The following NBEA variants were observed in gnomAD, a reference collection of about 807,000 sequenced individuals.
NBEA encodes neurobeachin, also known as lysosomal-trafficking regulator 2.
Under a neutral mutation model 343.4 loss-of-function variants are expected in NBEA, and 44 were observed. That is an observed-to-expected ratio of 0.13 (90% CI 0.10 to 0.16). The LOEUF (loss-of-function observed/expected upper bound fraction) is 0.16. NBEA is among the 10% of genes least tolerant of loss of function. NBEA has a pLI of 1.00. For synonymous variants in NBEA, 1,175 were observed against 1,238.7 expected, an observed-to-expected ratio of 0.95 and a Z score of 1.08; for missense variants, 2,555 against 3,631.3, an observed-to-expected ratio of 0.70 and a Z score of 7.62.
At chr13:35,079,344 G>T (rs890904454) in intron 10 of NBEA, among the ~76,000 whole-genome samples, 1 of 152,066 alleles carries the variant, frequency 6.6e-6, no homozygotes, top group Non-Finnish European at 1.5e-5. Context: ...AAATGTAATG[G>T]TTACAAAAAT....
chr13:35,075,052 A>G (rs2064054001), intron 10 of NBEA, among the ~76,000 whole-genome samples: 1 of 151,868 alleles, frequency 6.6e-6, no homozygotes, highest in Non-Finnish European at 1.5e-5. Flanking sequence ...TTTTAGTGTA[A>G]TTATTTGCTG....
chr13:35,224,080 C>G (rs2074523189), intron 33 of NBEA, among the ~76,000 whole-genome samples: 1 of 152,160 alleles, frequency 6.6e-6, no homozygotes. Flanking sequence ...TCCAGTTTTT[C>G]TCAAACTTGG....
chr13:35,097,582 T>C (rs2065404269), intron 10 of NBEA, among the ~76,000 whole-genome samples: 1 of 152,068 alleles, frequency 6.6e-6, no homozygotes, highest in Non-Finnish European at 1.5e-5. Context: ...TTATCAAAGC[T>C]TAATTCAATG....
At chr13:35,378,773 T>G (rs937287213) in intron 38 of NBEA, among the ~76,000 whole-genome samples, 3 of 151,856 alleles carry the variant, frequency 2.0e-5, no homozygotes, top group Admixed American at 6.6e-5. Flanking sequence ...CACAGACAAT[T>G]ACCAACACCC....
At chr13:35,222,559 A>AT (rs1360996290) in intron 33 of NBEA, among the ~76,000 whole-genome samples, 2 of 151,818 alleles carry the variant, frequency 1.3e-5, no homozygotes, top group Non-Finnish European at 2.9e-5. Context: ...TTAATGGAGT[A>AT]TTTTTTTTAT....
intron 55 of NBEA, among the ~76,000 whole-genome samples, chr13:35,657,824 A>G (rs1301218680): frequency 6.6e-6 from 1 of 152,176 alleles, no homozygotes; most frequent in Non-Finnish European, 1.5e-5. Context: ...TGAAGCCCAG[A>G]AATGATGCAA....
chr13:35,640,584 A>T (rs1294932687), intron 49 of NBEA, among the ~76,000 whole-genome samples: 1 of 152,206 alleles, frequency 6.6e-6, no homozygotes, highest in African/African-American at 2.4e-5. Flanking sequence ...AGATGTCATA[A>T]TTTCGTAACT....
intron 41 of NBEA, among the ~76,000 whole-genome samples, chr13:35,495,364 G>A (rs2076640321): frequency 1.3e-5 from 2 of 151,878 alleles, no homozygotes; most frequent in Non-Finnish European, 1.5e-5. Flanking sequence ...AAAGCCCAAT[G>A]TCCATAAAGC....
At position 35,668,502 on chromosome 13, in the gene NBEA, C is replaced by T; in HGVS notation, c.8796C>T (p.Asp2932=). Residue 2932 remains aspartate, a synonymous_variant, in exon 58 of 59, where the codon GAC becomes GAT. Transcript: ENST00000379939. The stretch of plus-strand genomic sequence containing the variant: ...GTGATGCTGGCATTAGAGCAATGGA[C>T]TTGTCCCATGACCAGAGGTGAGCTG... ...PGCDAGIRAM[D]LSHDQRTLIT... 6.2e-7 allele frequency: 1 copy of T among 1,606,798 alleles called. No homozygotes were observed. The highest frequency in any genetic ancestry group is 1.1e-5 in the South Asian group (1 of 89,450).
At chr13:34,969,307 T>G (rs1370294008) in intron 1 of NBEA, among the ~76,000 whole-genome samples, 2 of 152,076 alleles carry the variant, frequency 1.3e-5, no homozygotes, top group South Asian at 2.1e-4. Flanking sequence ...TTTAAAATTT[T>G]TTGGTTTTTA....
chr13:35,497,229 G>A (rs1032368590), intron 41 of NBEA, among the ~76,000 whole-genome samples: 7 of 152,032 alleles, frequency 4.6e-5, no homozygotes, highest in African/African-American at 1.7e-4. Context: ...AATTGAGGAA[G>A]TGCTTATACT....
chr13:35,109,256 T>C, intron 11 of NBEA, 34 bp from the exon 12 acceptor site: 1 of 1,523,676 alleles, frequency 6.6e-7, no homozygotes, highest in Non-Finnish European at 8.8e-7. Flanking sequence ...ATATTCTGGA[T>C]GTTTCAAGCT....
At chr13:35,636,435 G>T (rs2083694026) in intron 49 of NBEA, among the ~76,000 whole-genome samples, 2 of 152,100 alleles carry the variant, frequency 1.3e-5, no homozygotes, top group Admixed American at 1.3e-4. Flanking sequence ...AAAAGTATAT[G>T]ATTTCAATTT....
At chr13:35,275,339 T>C (rs1354416870) in intron 34 of NBEA, among the ~76,000 whole-genome samples, 1 of 152,200 alleles carries the variant, frequency 6.6e-6, no homozygotes, top group East Asian at 1.9e-4. Flanking sequence ...TTACACCTTA[T>C]ATCTAAATTA....
At chr13:35,033,617 C>T (rs1279854029) in intron 1 of NBEA, among the ~76,000 whole-genome samples, 1 of 151,634 alleles carries the variant, frequency 6.6e-6, no homozygotes, top group Non-Finnish European at 1.5e-5. Flanking sequence ...TTTAACAATA[C>T]TGATTCTTTC....
chr13:35,566,986 C>G lies in NBEA; in HGVS notation c.7004C>G (p.Thr2335Ser). Residue 2335 changes from threonine (T) to serine (S), a missense_variant, in exon 45 of 59, where the codon ACT (threonine) becomes AGT (serine). Physicochemically the swap from Thr to Ser is moderately conservative, Grantham distance 58. Coordinates refer to ENST00000379939, the MANE Select transcript of NBEA (RefSeq NM_001385012.1). ...TNYESEELDL[T>S]LPGNFRDLSK... ...TATGAATCAGAAGAGTTGGACCTGA[C>G]TCTTCCAGGAAACTTCAGGGATCTA... 2 of 1,611,370 alleles carry G rather than the reference C, an allele frequency of 1.2e-6. No homozygotes were observed. Among genetic ancestry groups the G allele is most frequent in the Non-Finnish European group, 1.7e-6 (2 of 1,177,860 alleles).
rs374361585 is a variant in NBEA, at chr13:35,362,879, ATAACT to A, written c.6179+10560_6179+10564del. On this transcript the variant is annotated intron_variant, in intron 38 of 58. Coordinates refer to ENST00000379939, the MANE Select transcript of NBEA (RefSeq NM_001385012.1). ...GAATGAGGATTATAAGCACAAAATA[ATAACT>A]TAAAGTGACATAAGGTAAGCACTAA... 2.8e-4 allele frequency among the ~76,000 whole-genome samples: 43 copies of A among 152,160 alleles called. No individual in the cohort carries two copies. In the East Asian group the frequency reaches 6.8e-3, roughly 24 times the overall value.
In NBEA at chr13:35,550,972, A is replaced by T. The variant is rs1267065706; in HGVS notation, c.6746A>T (p.Lys2249Ile). The T allele has an allele frequency of 6.2e-7, 1 of 1,611,822 alleles. No homozygotes were observed. Among genetic ancestry groups the T allele is most frequent in the African/African-American group, 1.3e-5 (1 of 74,860 alleles). Residue 2249 changes from lysine (K) to isoleucine (I), a missense_variant, in exon 43 of 59, where the codon AAA (lysine) becomes ATA (isoleucine). Lys to Ile is a moderately radical substitution (Grantham distance 102). This residue lies in a region of NBEA where 38 missense variants were observed against 97.2 expected (regional missense o/e 0.39). Transcript: ENST00000379939. ...TTCCCTGATCAAGCAACAGTAAAAAAAGTTGTCTATAGCTTGCCTCGGGTT... is the reference window on the plus strand; with the variant it reads ...TTCCCTGATCAAGCAACAGTAAAAATAGTTGTCTATAGCTTGCCTCGGGTT... ...FNFPDQATVK[K>I]VVYSLPRVGV...
chr13:35,218,238 C>A lies in NBEA; in HGVS notation c.5648+7059C>A, dbSNP rs561639317. Among the ~76,000 whole-genome samples the A allele has an allele frequency of 2.1e-3, 320 of 152,120 alleles. 1 individual carries two copies. The highest frequency in any genetic ancestry group is 7.4e-3 in the African/African-American group (309 of 41,520). On this transcript the variant is annotated intron_variant, in intron 33 of 58. Transcript: ENST00000379939. Reference sequence around the variant, plus strand: ...TGTTAGCATGGAAGGTAATTTTAGACCATCTTACTTTTTCAAGGCTACAAA... The same window carrying A: ...TGTTAGCATGGAAGGTAATTTTAGAACATCTTACTTTTTCAAGGCTACAAA...
Sources: allele counts gnomAD v4.1 joint callset (sites outside exome capture counted in the v4.1 genomes callset), GRCh38; gene constraint gnomAD v4.1.1; regional missense constraint gnomAD v4.1.1; transcripts MANE v1.5; gene names NCBI Gene and HGNC (gene_info 2026-07-23, HGNC 2026-07-21).